The following KLHL13 variants were observed in gnomAD, a reference collection of about 807,000 sequenced individuals.
The protein encoded by KLHL13 is kelch like family member 13.
Under a neutral mutation model 37.1 loss-of-function variants are expected in KLHL13, and 10 were observed. The observed-to-expected ratio is 0.27, with a 90% CI of 0.17 to 0.46. The LOEUF (loss-of-function observed/expected upper bound fraction) is 0.46, where lower values mean the gene tolerates loss of function less well. KLHL13 is among the 20% of genes least tolerant of loss of function. The pLI is 1.00. For missense variants in KLHL13, 360 were observed against 509.3 expected, an observed-to-expected ratio of 0.71 and a Z score of 2.82; for synonymous variants, 163 against 181.2, an observed-to-expected ratio of 0.90 and a Z score of 0.81.
intron 1 of KLHL13, among the ~76,000 whole-genome samples, chrX:117,979,276 G>C (rs1279689616): frequency 8.9e-6 from 1 of 111,913 alleles, no homozygotes; most frequent in African/African-American, 3.2e-5. Flanking sequence ...ATTTACATAT[G>C]TGATTTTAGA....
chrX:118,037,588 C>A (rs1179429257), intron 1 of KLHL13, among the ~76,000 whole-genome samples: 1 of 100,371 alleles, frequency 1.0e-5, no homozygotes, highest in Non-Finnish European at 2.0e-5. Flanking sequence ...ACTCTGGGGA[C>A]TGTTGTGGGG....
intron 1 of KLHL13, among the ~76,000 whole-genome samples, chrX:117,952,390 T>C (rs1264683168): frequency 1.8e-5 from 2 of 109,699 alleles, no homozygotes; most frequent in Non-Finnish European, 3.8e-5. Context: ...TTACACCTTA[T>C]ACAAAAATTA....
rs781505622 is a variant in KLHL13 at position 117,959,977 on chromosome X, A to G, written c.98+12754T>C. 7.2e-5 allele frequency among the ~76,000 whole-genome samples: 8 copies of G among 111,247 alleles called. No individual in the cohort carries two copies. The East Asian group carries it at 1.4e-3, about 20-fold the overall frequency. On this transcript the variant is annotated intron_variant, in intron 1 of 6. Coordinates refer to ENST00000262820, the Ensembl canonical transcript of KLHL13. ...AAATTAAGCCCAATTGCCCACATAC[A>G]CTCAACTGAGCTTGCCACTCCAATT...
At chrX:117,993,720 G>C (rs1351761524) in intron 1 of KLHL13, among the ~76,000 whole-genome samples, 1 of 108,502 alleles carries the variant, frequency 9.2e-6, no homozygotes, top group Non-Finnish European at 1.9e-5. Context: ...TATGAAACTT[G>C]ATTACATTAT....
intron 1 of KLHL13, among the ~76,000 whole-genome samples, chrX:118,064,009 G>T (rs1229907326): frequency 9.0e-6 from 1 of 111,244 alleles, no homozygotes; most frequent in African/African-American, 3.3e-5. Flanking sequence ...CCAAATAATT[G>T]TTCATTTTAA....
At chrX:118,019,124 T>A (rs964551193) in intron 1 of KLHL13, among the ~76,000 whole-genome samples, 1 of 111,235 alleles carries the variant, frequency 9.0e-6, no homozygotes, top group Non-Finnish European at 1.9e-5. Flanking sequence ...TTAACTATTG[T>A]CCTCATGCCA....
At chrX:118,113,441 G>A (rs755500757) in intron 1 of KLHL13, among the ~76,000 whole-genome samples, 2 of 112,084 alleles carry the variant, frequency 1.8e-5, no homozygotes, top group South Asian at 3.7e-4. Context: ...CCTATTTATC[G>A]GTTATTGAGC....
At chrX:118,068,664 C>T (rs773109690) in intron 1 of KLHL13, among the ~76,000 whole-genome samples, 1 of 111,448 alleles carries the variant, frequency 9.0e-6, no homozygotes, top group South Asian at 3.9e-4. Flanking sequence ...TGTGCTCCCC[C>T]CACAGATAAG....
chrX:118,015,847 A>T (rs2054122492), intron 1 of KLHL13, among the ~76,000 whole-genome samples: 1 of 111,254 alleles, frequency 9.0e-6, no homozygotes, highest in African/African-American at 3.3e-5. Context: ...CTGGTCTCAG[A>T]ATTTCATGTG....
chrX:118,016,013 C>G (rs2054124702), intron 1 of KLHL13, among the ~76,000 whole-genome samples: 1 of 111,601 alleles, frequency 9.0e-6, no homozygotes, highest in Non-Finnish European at 1.9e-5. Context: ...AGTGAGAAAA[C>G]CAAATTATGA....
At chrX:118,068,640 A>G (rs1382014460) in intron 1 of KLHL13, among the ~76,000 whole-genome samples, 1 of 111,181 alleles carries the variant, frequency 9.0e-6, no homozygotes, top group Admixed American at 9.5e-5. Flanking sequence ...GGAGCTGCCT[A>G]GAGACCACAA....
chrX:117,941,419 T>C (rs1490729011), intron 2 of KLHL13, among the ~76,000 whole-genome samples: 2 of 112,020 alleles, frequency 1.8e-5, no homozygotes, highest in Admixed American at 1.9e-4. Flanking sequence ...TGGTATCAGC[T>C]CTTCTTTGTA....
intron 1 of KLHL13, among the ~76,000 whole-genome samples, chrX:118,089,269 G>A (rs1481355198): frequency 9.1e-6 from 1 of 110,430 alleles, no homozygotes; most frequent in Admixed American, 9.8e-5. Flanking sequence ...TCCAGTGGCT[G>A]TGAGACCATC....
intron 1 of KLHL13, among the ~76,000 whole-genome samples, chrX:118,056,337 T>C (rs1480101451): frequency 9.0e-6 from 1 of 111,712 alleles, no homozygotes; most frequent in Non-Finnish European, 1.9e-5. Flanking sequence ...AAACATACCA[T>C]GTTCATGGAT....
At position 118,010,308 on chromosome X, in the gene KLHL13, T is replaced by C. The variant is rs369658551; in HGVS notation, c.-55-64733A>G. 5.4e-3 allele frequency among the ~76,000 whole-genome samples: 271 copies of C among 50,219 alleles called. 7 individuals carry two copies. In the East Asian group the frequency reaches 0.07, roughly 13 times the overall value. 43.6% of individuals were successfully genotyped at this position (50,219 alleles called of 115,157 possible). A position where few individuals can be genotyped will look rare whatever the true frequency, so the allele number is the denominator to read the frequency against. ...ATGCACACGTATGTTTATTGCGGCA[T>C]TATTCACAATAGCAAAGACTTGGAA... is the stretch of plus-strand genomic sequence containing the variant. On this transcript the variant is annotated intron_variant, in intron 1 of 6. Transcript: ENST00000371882.
At chrX:118,060,617 T>TA (rs1162979153) in intron 1 of KLHL13, among the ~76,000 whole-genome samples, 4 of 110,578 alleles carry the variant, frequency 3.6e-5, no homozygotes, top group South Asian at 7.8e-4. Flanking sequence ...TTTTACAGAT[T>TA]AAAAAAAACA....
At chrX:118,011,033 A>G (rs2054060745) in intron 1 of KLHL13, among the ~76,000 whole-genome samples, 1 of 110,203 alleles carries the variant, frequency 9.1e-6, no homozygotes, top group Admixed American at 9.8e-5. Flanking sequence ...TGATTGCACC[A>G]CTGTACTCCA....
At chrX:117,933,471 T>C (rs145915322) in intron 2 of KLHL13, among the ~76,000 whole-genome samples, 9,387 of 111,099 alleles carry the variant, frequency 0.084, 353 homozygotes, top group Middle Eastern at 0.13. Context: ...TATGGAAGAA[T>C]GAAATTAGTC....
rs1340122341 is a variant in KLHL13 at position 118,113,453 on chromosome X, G to A, written c.-56+3055C>T. ...AGTCCTATTTATCGGTTATTGAGCTGCTTCTAGGCTCTGTAACATCTTCTT... is the reference window on the plus strand; with the variant it reads ...AGTCCTATTTATCGGTTATTGAGCTACTTCTAGGCTCTGTAACATCTTCTT... On this transcript the variant is annotated intron_variant, in intron 1 of 6. Coordinates refer to the KLHL13 transcript ENST00000371882. Among the ~76,000 whole-genome samples, 3 of 112,362 alleles carry A rather than the reference G, an allele frequency of 2.7e-5. No homozygotes were observed. In the East Asian group the frequency reaches 8.4e-4, roughly 32 times the overall value.
Sources: allele counts gnomAD v4.1 joint callset (sites outside exome capture counted in the v4.1 genomes callset), GRCh38; gene constraint gnomAD v4.1.1; transcripts MANE v1.5; gene names NCBI Gene and HGNC (gene_info 2026-07-23, HGNC 2026-07-21).